DCHS2: variants seen among roughly 807,000 people sequenced by gnomAD.
The protein encoded by DCHS2 is dachsous cadherin-related 2.
In DCHS2, 142 loss-of-function variants were observed where a neutral mutation model predicts 182.4. The observed-to-expected ratio is 0.78, with a 90% CI of 0.68 to 0.89. The LOEUF (loss-of-function observed/expected upper bound fraction) is 0.89. Among genes scored for constraint, DCHS2 ranks in the 40% least tolerant of loss-of-function variants. The probability of loss-of-function intolerance (pLI) is 0.00; values close to 1 mark genes in which losing one functional copy is unlikely to be tolerated. For missense variants in DCHS2, 4,319 were observed against 4,198.6 expected (o/e 1.03, Z -0.79); for synonymous variants, 1,740 against 1,663.3 (o/e 1.05, Z -1.12).
chr4:154,357,192 G>C, intron 3 of DCHS2: 1 of 1,498,236 alleles, frequency 6.7e-7, no homozygotes, highest in Non-Finnish European at 9.3e-7. Flanking sequence ...TCTGACTCTG[G>C]CTTTTTTGGA....
At chr4:154,335,198 GTTTTA>G (rs369933228) in intron 3 of DCHS2, 94 bp from the exon 4 acceptor site, 2 of 854,470 alleles carry the variant, frequency 2.3e-6, no homozygotes, top group African/African-American at 1.7e-5. Flanking sequence ...GTATTGTGAT[GTTTTA>G]TTTTATGTGT....
chr4:154,416,671 A>C (rs1468338228), intron 1 of DCHS2, among the ~76,000 whole-genome samples: 1 of 152,180 alleles, frequency 6.6e-6, no homozygotes, highest in African/African-American at 2.4e-5. Context: ...TTGGTACCAC[A>C]GAAGAGGAAC....
Position 154,236,092 on chromosome 4 carries a change from C to T in DCHS2, c.8560G>A (p.Ala2854Thr). ...GCAGTTGCATCACCTTTGTCTTTGG[C>T]TTGGACTGTGAGGCAGTATTTATTG... ...NGNKYCLTVQ[A>T]KDKGDATASL... Residue 2854 changes from alanine (A) to threonine (T), a missense_variant, in exon 20 of 20, where the codon GCC becomes ACC. Ala to Thr is a moderately conservative substitution (Grantham distance 58, BLOSUM62 0). Coordinates refer to ENST00000357232, the MANE Select transcript of DCHS2 (RefSeq NM_001358235.2). 6.2e-7 allele frequency: 1 copy of T among 1,613,734 alleles called. No individual in the cohort carries two copies.
chr4:154,384,595 A>C, intron 1 of DCHS2: 1 of 1,450,112 alleles, frequency 6.9e-7, no homozygotes, highest in Non-Finnish European at 9.2e-7. Context: ...AGACATGATT[A>C]AGTTGAGGAT....
intron 16 of DCHS2, among the ~76,000 whole-genome samples, chr4:154,247,824 T>C (rs1003408965): frequency 6.6e-6 from 1 of 152,174 alleles, no homozygotes; most frequent in African/African-American, 2.4e-5. Flanking sequence ...TTTTCAGACA[T>C]GCAAAGGCTC....
At chr4:154,421,232 A>G (rs1015887481) in intron 1 of DCHS2, among the ~76,000 whole-genome samples, 2 of 152,224 alleles carry the variant, frequency 1.3e-5, no homozygotes, top group African/African-American at 4.8e-5. Context: ...TCCTAGTTGT[A>G]GCATATTGCC....
chr4:154,379,023 T>A (rs1171406217), intron 1 of DCHS2, among the ~76,000 whole-genome samples: 1 of 152,120 alleles, frequency 6.6e-6, no homozygotes, highest in African/African-American at 2.4e-5. Context: ...TTCTATTCCA[T>A]GTGATCAAAT....
chr4:154,243,340 A>G (rs1731925410), intron 16 of DCHS2, among the ~76,000 whole-genome samples: 1 of 152,202 alleles, frequency 6.6e-6, no homozygotes, highest in African/African-American at 2.4e-5. Context: ...AGTAGAGGTA[A>G]AAGTCCATGA....
Position 154,242,623 on chromosome 4 carries a change from G to A in DCHS2, c.7072+19C>T. On this transcript the variant is annotated intron_variant, in intron 17 of 19. Coordinates refer to ENST00000357232, the MANE Select transcript of DCHS2 (RefSeq NM_001358235.2). ...TATACAAGTTAATCAAAACCACTATGCCAAATTGTCACACTTACCTTCTGT... is the reference window on the plus strand; with the variant it reads ...TATACAAGTTAATCAAAACCACTATACCAAATTGTCACACTTACCTTCTGT... The A allele has an allele frequency of 1.2e-6, 2 of 1,603,566 alleles. No homozygotes were observed. Among genetic ancestry groups the A allele is most frequent in the African/African-American group, 1.3e-5 (1 of 74,426 alleles).
In DCHS2 at chr4:154,491,511, G is replaced by A. The variant is rs72971954; in HGVS notation, c.-156C>T. ...CCCAGGAATTCCCGAGGTTACATCTGCAACTGGTGAAAGCGTCCTCTGCCT... is the reference window on the plus strand; with the variant it reads ...CCCAGGAATTCCCGAGGTTACATCTACAACTGGTGAAAGCGTCCTCTGCCT... On this transcript the variant is annotated 5_prime_UTR_variant, in exon 1 of 20. Transcript: ENST00000357232. 848 of 1,401,036 alleles carry A rather than the reference G, an allele frequency of 6.1e-4. 3 individuals carry two copies. In the African/African-American group the frequency reaches 0.011, roughly 18 times the overall value. 86.8% of individuals were successfully genotyped at this position (1,401,036 alleles called of 1,614,324 possible).
chr4:154,451,530 C>T (rs149922175), intron 1 of DCHS2, among the ~76,000 whole-genome samples: 1 of 152,270 alleles, frequency 6.6e-6, no homozygotes, highest in African/African-American at 2.4e-5. Flanking sequence ...CTGACTCCTG[C>T]TATGTTATCT....
At chr4:154,396,225 CTCAATATATAT>C (rs1054826699) in intron 1 of DCHS2, among the ~76,000 whole-genome samples, 1 of 137,786 alleles carries the variant, frequency 7.3e-6, no homozygotes, top group Non-Finnish European at 1.5e-5. Context: ...ATAATAGGTA[CTCAATATATAT>C]AGAAGAAAAG....
intron 14 of DCHS2, among the ~76,000 whole-genome samples, chr4:154,268,104 A>T (rs1733377409): frequency 6.6e-6 from 1 of 152,296 alleles, no homozygotes; most frequent in South Asian, 2.1e-4. Flanking sequence ...CAAAACTAGC[A>T]CAAATTTTTT....
intron 19 of DCHS2, among the ~76,000 whole-genome samples, chr4:154,238,362 C>A (rs1331892459): frequency 1.3e-5 from 2 of 152,160 alleles, no homozygotes; most frequent in African/African-American, 4.8e-5. Context: ...TAAATGAACT[C>A]TCACTTGTGA....
chr4:154,398,332 G>A (rs1356555358), intron 1 of DCHS2, among the ~76,000 whole-genome samples: 1 of 152,168 alleles, frequency 6.6e-6, no homozygotes, highest in Admixed American at 6.5e-5. Flanking sequence ...ACTTCCCAGG[G>A]TCGCAGCAAA....
At chr4:154,285,928 G>A (rs1488577207) in intron 13 of DCHS2, among the ~76,000 whole-genome samples, 5 of 152,156 alleles carry the variant, frequency 3.3e-5, no homozygotes, top group Non-Finnish European at 5.9e-5. Context: ...ACCCAGTGCT[G>A]TACTGGCTTC....
intron 1 of DCHS2, among the ~76,000 whole-genome samples, chr4:154,483,666 G>A (rs768169615): frequency 3.3e-5 from 5 of 152,200 alleles, no homozygotes; most frequent in Non-Finnish European, 5.9e-5. Context: ...ACTGTGGCAT[G>A]GGAGGCTGAA....
chr4:154,380,461 A>G (rs966229102), intron 1 of DCHS2, among the ~76,000 whole-genome samples: 1 of 152,184 alleles, frequency 6.6e-6, no homozygotes, highest in Non-Finnish European at 1.5e-5. Context: ...CACCAAATAT[A>G]TCTTCTAAAG....
At chr4:154,471,898 G>A (rs1329816835) in intron 1 of DCHS2, among the ~76,000 whole-genome samples, 2 of 152,120 alleles carry the variant, frequency 1.3e-5, no homozygotes, top group Non-Finnish European at 2.9e-5. Context: ...AGTTAGGTCG[G>A]TGATTTGAAC....
Sources: gnomAD v4.1 joint callset for allele counts (sites outside exome capture counted in the v4.1 genomes callset) on GRCh38, gnomAD v4.1.1 for gene constraint, MANE v1.5 for transcripts, NCBI Gene and HGNC (gene_info 2026-07-23, HGNC 2026-07-21) for gene names.